Variants in NMU observed in about 807,000 individuals in gnomAD.
NMU encodes neuromedin-U.
In NMU, 29 loss-of-function variants were observed where a neutral mutation model predicts 35.4. The observed-to-expected ratio is 0.82, with a 90% confidence interval of 0.61 to 1.12. NMU has a LOEUF of 1.12. Ranked by LOEUF, NMU falls within the 50% of genes most tolerant of loss-of-function variation. The probability of loss-of-function intolerance (pLI) is 0.00; values close to 1 mark genes in which losing one functional copy is unlikely to be tolerated. For synonymous variants in NMU, 78 were observed against 81.3 expected, an observed-to-expected ratio of 0.96 and a Z score of 0.22; for missense variants, 199 against 206.2, an observed-to-expected ratio of 0.97 and a Z score of 0.21.
intron 7 of NMU, among the ~76,000 whole-genome samples, chr4:55,603,639 G>A (rs914500070): frequency 2.8e-4 from 43 of 151,754 alleles, no homozygotes; most frequent in Non-Finnish European, 4.9e-4. Flanking sequence ...GAGGCCGGGC[G>A]CAGTGGCTCA....
intron 2 of NMU, 71 bp from the exon 3 acceptor site, chr4:55,616,456 G>A: frequency 1.7e-6 from 2 of 1,150,726 alleles, no homozygotes; most frequent in Non-Finnish European, 2.6e-6. Context: ...ATTTTACAAA[G>A]TCACATTACC....
intron 3 of NMU, among the ~76,000 whole-genome samples, chr4:55,611,930 G>T (rs1277312695): frequency 6.6e-6 from 1 of 152,192 alleles, no homozygotes. Flanking sequence ...ATATACAGAG[G>T]AAGTAAGGTT....
chr4:55,607,255 A>T, intron 6 of NMU, 43 bp downstream of exon 6: 1 of 1,424,584 alleles, frequency 7.0e-7, no homozygotes, highest in Non-Finnish European at 9.9e-7. Context: ...TCATTCTTTT[A>T]AACAAATATT....
At chr4:55,627,622 G>T (rs1300680075) in intron 2 of NMU, among the ~76,000 whole-genome samples, 3 of 152,182 alleles carry the variant, frequency 2.0e-5, no homozygotes, top group Non-Finnish European at 4.4e-5. Flanking sequence ...AATACTTACA[G>T]ATTTTGTCAC....
chr4:55,636,070 G>A lies in NMU; in HGVS notation c.112+11C>T. The A allele has an allele frequency of 1.3e-6, 2 of 1,531,200 alleles. No homozygotes were observed. Among genetic ancestry groups the A allele is most frequent in the Non-Finnish European group, 1.7e-6 (2 of 1,145,374 alleles). The allele number at this position is 1,531,200 out of a possible 1,614,324, so 94.9% of individuals were successfully genotyped here. On this transcript the variant is annotated intron_variant, in intron 1 of 9. Transcript: ENST00000264218. The surrounding 1 kb of genome is among the most constrained non-coding windows in gnomAD (Gnocchi z 4.0). ...ATGGCGTGGAAGCGGCCGGGTGCGGGGCCGTCTTACCTCGGCAGGCGCCCG... is the reference window on the plus strand; with the variant it reads ...ATGGCGTGGAAGCGGCCGGGTGCGGAGCCGTCTTACCTCGGCAGGCGCCCG...
At chr4:55,607,950 C>T (rs907184189) in intron 4 of NMU, among the ~76,000 whole-genome samples, 2 of 152,164 alleles carry the variant, frequency 1.3e-5, no homozygotes, top group African/African-American at 4.8e-5. Flanking sequence ...GTGGGCGGAT[C>T]ACAAGGTCAG....
chr4:55,628,716 C>A (rs1209383280), intron 2 of NMU, among the ~76,000 whole-genome samples: 3 of 152,032 alleles, frequency 2.0e-5, no homozygotes, highest in Non-Finnish European at 4.4e-5. Context: ...TCTCGAGCTC[C>A]TGATCTTGTG....
intron 2 of NMU, among the ~76,000 whole-genome samples, chr4:55,627,477 ATTT>A (rs1215861053): frequency 2.0e-5 from 3 of 151,678 alleles, no homozygotes; most frequent in Non-Finnish European, 4.4e-5. Flanking sequence ...GAAAATTGAT[ATTT>A]TTATTATATT....
intron 2 of NMU, among the ~76,000 whole-genome samples, chr4:55,629,637 A>T (rs1032890503): frequency 1.3e-5 from 2 of 148,918 alleles, no homozygotes; most frequent in Non-Finnish European, 3.0e-5. Flanking sequence ...AAAAAAAAAA[A>T]AAATTCCTGG....
intron 3 of NMU, among the ~76,000 whole-genome samples, chr4:55,614,575 T>C (rs1228814435): frequency 6.6e-6 from 1 of 152,226 alleles, no homozygotes; most frequent in Non-Finnish European, 1.5e-5. Context: ...TAATTTCACA[T>C]GTAATAAAAC....
chr4:55,633,736 T>C (rs577236309), intron 1 of NMU, among the ~76,000 whole-genome samples: 1 of 152,332 alleles, frequency 6.6e-6, no homozygotes, highest in African/African-American at 2.4e-5. Flanking sequence ...GAGTATGTAC[T>C]TCACTGTCGG....
intron 3 of NMU, among the ~76,000 whole-genome samples, chr4:55,612,451 C>CA (rs949463865): frequency 5.9e-5 from 9 of 151,920 alleles, no homozygotes; most frequent in African/African-American, 2.2e-4. Flanking sequence ...ATAGAAAATA[C>CA]AAAACAATAA....
At chr4:55,604,685 T>A (rs1178375161) in intron 7 of NMU, among the ~76,000 whole-genome samples, 1 of 120,432 alleles carries the variant, frequency 8.3e-6, no homozygotes, top group African/African-American at 3.3e-5. Context: ...GCTAATTTTT[T>A]TTTTTTTTTT....
intron 3 of NMU, among the ~76,000 whole-genome samples, chr4:55,613,019 T>G (rs1336840675): frequency 6.6e-6 from 1 of 152,172 alleles, no homozygotes; most frequent in Non-Finnish European, 1.5e-5. Context: ...TGGATGGAGC[T>G]GGAGGGTATT....
chr4:55,609,385 A>AC, intron 3 of NMU, among the ~76,000 whole-genome samples: 1 of 54,934 alleles, frequency 1.8e-5, no homozygotes, highest in East Asian at 1.2e-3. Flanking sequence ...TTCTAACCAG[A>AC]AAAAAAAAAA....
intron 7 of NMU, among the ~76,000 whole-genome samples, chr4:55,603,998 C>CAT (rs1491352065): frequency 7.9e-4 from 7 of 8,874 alleles, no homozygotes; most frequent in East Asian, 0.014. Flanking sequence ...TATATATATA[C>CAT]GTATATATGT....
intron 2 of NMU, among the ~76,000 whole-genome samples, chr4:55,619,571 G>A (rs1341400477): frequency 1.5e-4 from 21 of 140,634 alleles, no homozygotes; most frequent in South Asian, 2.6e-4. Context: ...ACTGCAAGGC[G>A]GCAGCGAGGC....
chr4:55,612,581 T>C (rs1733978140), intron 3 of NMU, among the ~76,000 whole-genome samples: 2 of 152,196 alleles, frequency 1.3e-5, no homozygotes. Flanking sequence ...TACCTAGTGA[T>C]GTCATGTTTC....
chr4:55,595,642 TA>T (rs754787707), intron 9 of NMU, among the ~76,000 whole-genome samples: 24,956 of 77,560 alleles, frequency 0.32, 2,966 homozygotes, highest in East Asian at 0.44. Flanking sequence ...TATATATATA[TA>T]TTTTTTTTTT....
Sources: gnomAD v4.1 joint callset for allele counts (sites outside exome capture counted in the v4.1 genomes callset) on GRCh38, gnomAD v4.1.1 for gene constraint, Gnocchi (gnomAD v3.1) non-coding constraint, MANE v1.5 for transcripts, NCBI Gene and HGNC (gene_info 2026-07-23, HGNC 2026-07-21) for gene names.